Variants in SMG1 observed in about 807,000 individuals in gnomAD.
The protein encoded by SMG1 is SMG1 nonsense mediated mRNA decay associated PI3K related kinase.
A neutral mutation model predicts 419.9 loss-of-function variants in SMG1; 22 were observed. The observed-to-expected ratio is 0.05, with a 90% confidence interval of 0.04 to 0.07. The LOEUF (loss-of-function observed/expected upper bound fraction) is 0.07, where lower values mean the gene tolerates loss of function less well. Among genes scored for constraint, SMG1 ranks in the 10% least tolerant of loss-of-function variants. The pLI is 1.00. For missense variants in SMG1, 3,185 were observed against 4,342.0 expected (o/e 0.73, Z 7.49); for synonymous variants, 1,538 against 1,553.5 (o/e 0.99, Z 0.23).
chr16:18,818,750 G>A (rs2141132696), intron 56 of SMG1, among the ~76,000 whole-genome samples: 1 of 139,104 alleles, frequency 7.2e-6, no homozygotes, highest in African/African-American at 2.5e-5. Flanking sequence ...AGTTGAAAAT[G>A]TCCGTAATAG....
chr16:18,854,829 T>C lies in SMG1; in HGVS notation c.4310A>G (p.Asn1437Ser). ...TAAKFARKRG[N>S]VSLATRLLAQ... is the part of the protein sequence containing the mutation. ...CAGCAGTCTTGTTGCAAGGGACACA[T>C]TCCCTCGTTTTCTAGCAAATTTTGC... Residue 1437 changes from asparagine (N) to serine (S), a missense_variant, in exon 30 of 63, where the codon AAT becomes AGT. Coordinates refer to ENST00000446231, the MANE Select transcript of SMG1 (RefSeq NM_015092.5). The C allele has an allele frequency of 1.9e-6, 3 of 1,614,030 alleles. No individual in the cohort carries two copies. Among genetic ancestry groups the C allele is most frequent in the South Asian group, 1.1e-5 (1 of 91,086 alleles).
intron 33 of SMG1, among the ~76,000 whole-genome samples, chr16:18,851,063 C>CA (rs1034769340): frequency 4.6e-5 from 7 of 151,532 alleles, no homozygotes; most frequent in African/African-American, 1.5e-4. Context: ...CCTATGCCTG[C>CA]AAAAAAAATA....
In SMG1 at chr16:18,849,821, G is replaced by T. The variant is rs1596517577; in HGVS notation, c.5461+128C>A. ...AGTGATGTAACAAGCAGTGCAGGGTGTCCTAGGAAGTTAATCTGGCTATTC... is the reference window on the plus strand; with the variant it reads ...AGTGATGTAACAAGCAGTGCAGGGTTTCCTAGGAAGTTAATCTGGCTATTC... On this transcript the variant is annotated intron_variant, in intron 35 of 62. Transcript: ENST00000446231. The T allele has an allele frequency of 4.8e-5, 41 of 859,620 alleles. 2 individuals are homozygous for T. In the South Asian group the frequency reaches 6.4e-4, roughly 14 times the overall value. The allele number at this position is 859,620 out of a possible 1,614,324, so 53.2% of individuals were successfully genotyped here. A position where few individuals can be genotyped will look rare whatever the true frequency, so the allele number is the denominator to read the frequency against.
At chr16:18,898,943 C>T (rs1281089635) in intron 1 of SMG1, among the ~76,000 whole-genome samples, 1 of 152,136 alleles carries the variant, frequency 6.6e-6, no homozygotes, top group Non-Finnish European at 1.5e-5. Context: ...ATCTCCAAGC[C>T]TTGGTTGTCT....
At chr16:18,811,578 G>A (rs922190287) in intron 62 of SMG1, among the ~76,000 whole-genome samples, 183 bp downstream of exon 62, 3 of 152,124 alleles carry the variant, frequency 2.0e-5, no homozygotes, top group Non-Finnish European at 2.9e-5. Flanking sequence ...CATAGGGAAG[G>A]GTCAGAGTAA....
chr16:18,917,585 A>G (rs1849500777), intron 1 of SMG1, among the ~76,000 whole-genome samples: 1 of 145,506 alleles, frequency 6.9e-6, no homozygotes, highest in South Asian at 2.2e-4. Context: ...CACACACTCC[A>G]TTTTTTTTTC....
At chr16:18,875,018 GCATA>G (rs1234691639) in intron 13 of SMG1, 1 of 146,416 alleles carries the variant, frequency 6.8e-6, no homozygotes, top group African/African-American at 2.5e-5. Context: ...GAGAATACTT[GCATA>G]TATATAAAAT....
At chr16:18,862,954 A>G (rs566018161) in intron 25 of SMG1, among the ~76,000 whole-genome samples, 24 of 152,338 alleles carry the variant, frequency 1.6e-4, no homozygotes, top group Admixed American at 3.9e-4. Flanking sequence ...GGTCAGCTTT[A>G]CCTAACTGCT....
At chr16:18,873,091 T>A (rs1173649917) in intron 13 of SMG1, among the ~76,000 whole-genome samples, 1 of 149,188 alleles carries the variant, frequency 6.7e-6, no homozygotes, top group East Asian at 2.0e-4. Context: ...GAGGCAGAGG[T>A]TGCAGTGACC....
At chr16:18,902,143 T>C (rs2037372493) in intron 1 of SMG1, among the ~76,000 whole-genome samples, 1 of 152,034 alleles carries the variant, frequency 6.6e-6, no homozygotes, top group Non-Finnish European at 1.5e-5. Flanking sequence ...ACTTTGGACA[T>C]AAAAAACAGA....
At position 18,863,791 on chromosome 16, in the gene SMG1, T is replaced by C; in HGVS notation, c.3554A>G (p.Tyr1185Cys). Residue 1185 changes from tyrosine (Y) to cysteine (C), a missense_variant, in exon 25 of 63, where the codon TAT becomes TGT. Around this residue, in one of 27 missense-constraint regions of SMG1, gnomAD observed 121 missense variants for 125.4 expected, o/e 0.96. Coordinates refer to ENST00000446231, the MANE Select transcript of SMG1 (RefSeq NM_015092.5). ...GCACTCACATGCTTTATTTCCTAAA[T>C]AATTTATAACCTCAGGGGAAGAGTC... ...PTDSSPEVINYLGNKACECYI... is the reference protein window; with the variant it reads ...PTDSSPEVINCLGNKACECYI... 2.5e-6 allele frequency: 4 copies of C among 1,588,416 alleles called. No individual in the cohort carries two copies. Among genetic ancestry groups the C allele is most frequent in the Non-Finnish European group, 3.4e-6 (4 of 1,164,954 alleles).
intron 18 of SMG1, 48 bp from the exon 19 acceptor site, chr16:18,870,042 G>C: frequency 6.1e-6 from 8 of 1,310,804 alleles, no homozygotes; most frequent in Non-Finnish European, 7.3e-6. Flanking sequence ...TAGCTTAAAA[G>C]GTTAGCACAT....
intron 1 of SMG1, among the ~76,000 whole-genome samples, chr16:18,910,888 A>C (rs2037766569): frequency 6.6e-6 from 1 of 152,188 alleles, no homozygotes; most frequent in South Asian, 2.1e-4. Context: ...CAGAGGGAAA[A>C]AAGCAATTCA....
intron 1 of SMG1, among the ~76,000 whole-genome samples, chr16:18,922,414 C>T (rs967716216): frequency 1.3e-5 from 2 of 152,156 alleles, no homozygotes; most frequent in African/African-American, 4.8e-5. Context: ...CTCAACTTTA[C>T]GCTTGAGGAA....
At chr16:18,852,575 A>G in intron 31 of SMG1, 113 bp from the exon 32 acceptor site, 1 of 885,386 alleles carries the variant, frequency 1.1e-6, no homozygotes, top group Middle Eastern at 3.5e-4. Flanking sequence ...CAAGCAATCA[A>G]AAGTTCCAAA....
intron 15 of SMG1, among the ~76,000 whole-genome samples, chr16:18,871,845 A>G (rs1424375836): frequency 1.3e-5 from 2 of 152,050 alleles, no homozygotes; most frequent in Admixed American, 1.3e-4. Flanking sequence ...AGGCTGAGGC[A>G]GGAGAATTGC....
At position 18,835,955 on chromosome 16, in the gene SMG1, G is replaced by A. The variant is rs1189636191; in HGVS notation, c.8035C>T (p.Arg2679Cys). Residue 2679 changes from arginine (R) to cysteine (C), a missense_variant, in exon 48 of 63, where the codon CGT becomes TGT. Transcript: ENST00000446231. ...EELICNTTVERCQELYRKYEM... is the reference protein window; with the variant it reads ...EELICNTTVECCQELYRKYEM... ...TACTTCCTATAGAGCTCTTGACAAC[G>A]CTCTACTGTGGTGTTACAGATGAGC... is the stretch of plus-strand genomic sequence containing the variant. 9 of 1,552,562 alleles carry A rather than the reference G, an allele frequency of 5.8e-6. No individual in the cohort carries two copies. Among genetic ancestry groups the A allele is most frequent in the African/African-American group, 2.7e-5 (2 of 73,028 alleles).
In SMG1 at chr16:18,815,186, GATGGCTGAT is replaced by G. The variant is rs1251756407; in HGVS notation, c.10601_10609del (p.Tyr3534_Pro3536del). 2 of 1,587,588 alleles carry G rather than the reference GATGGCTGAT, an allele frequency of 1.3e-6. No individual in the cohort carries two copies. The highest frequency in any genetic ancestry group is 2.3e-5 in the South Asian group (2 of 86,910). On this transcript the variant is annotated inframe_deletion, in exon 60 of 63. Transcript: ENST00000446231. The stretch of plus-strand genomic sequence containing the variant: ...GACTCTTCTCCTACCTGCAGCGAAG[GATGGCTGAT>G]AAGTAGCAGATGACGTTGGACTCGA...
At chr16:18,817,020 C>G (rs1338058269) in intron 57 of SMG1, among the ~76,000 whole-genome samples, 1 of 149,570 alleles carries the variant, frequency 6.7e-6, no homozygotes, top group African/African-American at 2.5e-5. Context: ...TCGTCTTTCT[C>G]CTCCCTTCTA....
Sources: allele counts gnomAD v4.1 joint callset (sites outside exome capture counted in the v4.1 genomes callset), GRCh38; gene constraint gnomAD v4.1.1; regional missense constraint gnomAD v4.1.1; transcripts MANE v1.5; gene names NCBI Gene and HGNC (gene_info 2026-07-23, HGNC 2026-07-21).